The following ZNF805 variants were observed in gnomAD, a reference collection of about 807,000 sequenced individuals.
ZNF805 encodes the protein CTC-444N24.8.
A neutral mutation model predicts 13.6 loss-of-function variants in ZNF805; 7 were observed. The observed-to-expected ratio is 0.51, with a 90% CI of 0.29 to 0.97. ZNF805 has a LOEUF of 0.97. Ranked by LOEUF, ZNF805 falls within the 50% of genes least tolerant of loss-of-function variation. The pLI is 0.08. For synonymous variants in ZNF805, 293 were observed against 279.8 expected, an observed-to-expected ratio of 1.05 and a Z score of -0.47; for missense variants, 604 against 771.0, an observed-to-expected ratio of 0.78 and a Z score of 2.57.
At chr19:57,241,040 C>T (rs2087576672) in intron 1 of ZNF805, 119 bp downstream of exon 1, 1 of 1,141,132 alleles carries the variant, frequency 8.8e-7, no homozygotes, top group Non-Finnish European at 1.3e-6. Flanking sequence ...GTTTACGAAA[C>T]GTGGAGCAGG....
In ZNF805 at chr19:57,257,008, A is replaced by G. The variant is rs1419188410; in HGVS notation, c.*2305A>G. Among the ~76,000 whole-genome samples the G allele has an allele frequency of 6.6e-6, 1 of 152,110 alleles. No homozygotes were observed. The highest frequency in any genetic ancestry group is 1.5e-5 in the Non-Finnish European group (1 of 67,998). On this transcript the variant is annotated 3_prime_UTR_variant, in exon 4 of 4. Transcript: ENST00000414468. ...GCTTTTGATTATCTTACTCAGTTCT[A>G]AGATTGCCTGATTCCTTTTGAGACA...
rs2087722080 is a variant in ZNF805 at position 57,261,270 on chromosome 19, T to C, written c.*6567T>C. The C allele has an allele frequency of 6.0e-6, 1 of 167,034 alleles. No homozygotes were observed. The highest frequency in any genetic ancestry group is 2.4e-5 in the African/African-American group (1 of 41,420). 10.3% of individuals were successfully genotyped at this position (167,034 alleles called of 1,614,324 possible). A position where few individuals can be genotyped will look rare whatever the true frequency, so the allele number is the denominator to read the frequency against. On this transcript the variant is annotated 3_prime_UTR_variant, in exon 4 of 4. Transcript: ENST00000414468. Reference sequence around the variant, plus strand: ...CCAGACTCACTCTTTAATGCCTGCATAAGCTATTGTGACTGTAGAAAAGAC... The same window carrying C: ...CCAGACTCACTCTTTAATGCCTGCACAAGCTATTGTGACTGTAGAAAAGAC...
In ZNF805 at chr19:57,260,671, G is replaced by C. The variant is rs768865101; in HGVS notation, c.*5968G>C. Among the ~76,000 whole-genome samples the C allele has an allele frequency of 3.3e-5, 5 of 152,172 alleles. No homozygotes were observed. Among genetic ancestry groups the C allele is most frequent in the African/African-American group, 4.8e-5 (2 of 41,438 alleles). On this transcript the variant is annotated 3_prime_UTR_variant, in exon 4 of 4. Coordinates refer to ENST00000414468, the MANE Select transcript of ZNF805 (RefSeq NM_001023563.4). ...CTAACTTGTCCTTCACCCCATGACT[G>C]AGTTAATTTGCGCTGAAGACACTTT... is the stretch of plus-strand genomic sequence containing the variant.
chr19:57,248,064 C>T (rs1301740196), intron 2 of ZNF805, among the ~76,000 whole-genome samples: 1 of 152,192 alleles, frequency 6.6e-6, no homozygotes, highest in Non-Finnish European at 1.5e-5. Context: ...AAAAAATTAG[C>T]CAGGCATGAT....
At chr19:57,245,727 T>A (rs574266440) in intron 2 of ZNF805, among the ~76,000 whole-genome samples, 5 of 150,248 alleles carry the variant, frequency 3.3e-5, no homozygotes, top group East Asian at 4.0e-4. Flanking sequence ...TGCAGTGAGC[T>A]GAGATTGCAC....
chr19:57,244,657 TA>T (rs1319610456), intron 2 of ZNF805, among the ~76,000 whole-genome samples: 7 of 152,170 alleles, frequency 4.6e-5, no homozygotes, highest in African/African-American at 1.7e-4. Flanking sequence ...AGCTGTATGT[TA>T]TGAGGGGTTG....
At chr19:57,246,811 C>CCAGA (rs1235847110) in intron 2 of ZNF805, among the ~76,000 whole-genome samples, 1 of 151,926 alleles carries the variant, frequency 6.6e-6, no homozygotes, top group Non-Finnish European at 1.5e-5. Context: ...AGTTAACAGT[C>CCAGA]CAGATCCCCA....
chr19:57,254,241 C>G lies in ZNF805; in HGVS notation c.1422C>G (p.Phe474Leu), dbSNP rs1355048523. 2 of 1,606,750 alleles carry G rather than the reference C, an allele frequency of 1.2e-6. No individual in the cohort carries two copies. Among genetic ancestry groups the G allele is most frequent in the African/African-American group, 2.8e-5 (2 of 72,232 alleles). ...FSNRADLIRH[F>L]SIHTGEKPYE... ...ATAGGGCAGACCTCATTCGCCACTT[C>G]AGCATCCACACTGGAGAGAAGCCCT... is the stretch of plus-strand genomic sequence containing the variant. Residue 474 changes from phenylalanine to leucine, a missense_variant, in exon 4 of 4, where the codon TTC becomes TTG. This residue lies in a region of ZNF805 where 228 missense variants were observed against 352.8 expected (regional missense o/e 0.65). Transcript: ENST00000414468.
rs1460099656 is a variant in ZNF805, at chr19:57,259,477, A to G, written c.*4774A>G. On this transcript the variant is annotated 3_prime_UTR_variant, in exon 4 of 4. Transcript: ENST00000414468. ...TTTCGTTTTGGTTTTTGTATTTTTCAGTTGTTTAATTTCCATTTGTTTTGT... is the reference window on the plus strand; with the variant it reads ...TTTCGTTTTGGTTTTTGTATTTTTCGGTTGTTTAATTTCCATTTGTTTTGT... 6.7e-6 allele frequency among the ~76,000 whole-genome samples: 1 copy of G among 149,656 alleles called. No individual in the cohort carries two copies. Among genetic ancestry groups the G allele is most frequent in the Non-Finnish European group, 1.5e-5 (1 of 67,356 alleles).
chr19:57,254,787 C>T lies in ZNF805; in HGVS notation c.*84C>T, dbSNP rs148728074. On this transcript the variant is annotated 3_prime_UTR_variant, in exon 4 of 4. Coordinates refer to ENST00000414468, the MANE Select transcript of ZNF805 (RefSeq NM_001023563.4). ...GCAGCTTAGAGCCTTATTCTCCATC[C>T]GAATTCATCCTGGAAAAACACCCAG... 2,714 of 1,386,730 alleles carry T rather than the reference C, an allele frequency of 2.0e-3. 4 individuals carry two copies. The highest frequency in any genetic ancestry group is 4.5e-3 in the Middle Eastern group (24 of 5,392). The allele number at this position is 1,386,730 out of a possible 1,614,324, so 85.9% of individuals were successfully genotyped here.
intron 3 of ZNF805, among the ~76,000 whole-genome samples, chr19:57,251,427 G>A (rs1464585157): frequency 6.6e-6 from 1 of 152,096 alleles, no homozygotes; most frequent in Non-Finnish European, 1.5e-5. Flanking sequence ...TTTCTTCTGT[G>A]AGATGTTATT....
intron 2 of ZNF805, among the ~76,000 whole-genome samples, chr19:57,245,959 C>T (rs1016394188): frequency 6.6e-6 from 1 of 152,164 alleles, no homozygotes; most frequent in Non-Finnish European, 1.5e-5. Context: ...TCAGAGAGTG[C>T]TTGGACAGAC....
Position 57,253,345 on chromosome 19 carries a change from G to C in ZNF805, c.526G>C (p.Val176Leu). Residue 176 changes from valine (V) to leucine (L), a missense_variant, in exon 4 of 4, where the codon GTC becomes CTC. Around this residue, in one of 3 missense-constraint regions of ZNF805, gnomAD observed 327 missense variants for 378.2 expected, o/e 0.86. Coordinates refer to ENST00000414468, the MANE Select transcript of ZNF805 (RefSeq NM_001023563.4). This position sits in a 1 kb window ranked among gnomAD's most constrained non-coding sequence, Gnocchi z 4.4. ...SVCSRIIQDR[V>L]SLGDDVHDCD... The stretch of plus-strand genomic sequence containing the variant: ...GTGTTCAAGGATTATACAGGATCGA[G>C]TCTCCTTAGGAGATGATGTCCATGA... 1 of 1,570,476 alleles carries C rather than the reference G, an allele frequency of 6.4e-7. No homozygotes were observed. Among genetic ancestry groups the C allele is most frequent in the Non-Finnish European group, 8.6e-7 (1 of 1,157,018 alleles).
intron 2 of ZNF805, among the ~76,000 whole-genome samples, chr19:57,245,823 T>C (rs925088101): frequency 5.3e-5 from 8 of 150,788 alleles, no homozygotes; most frequent in Middle Eastern, 3.5e-3. Flanking sequence ...AGCTAGTGGG[T>C]GGAGATGCTG....
In ZNF805 at chr19:57,248,662, G is replaced by T. The variant is rs1472159101; in HGVS notation, c.215G>T (p.Trp72Leu). ...IYHLEHGQEP[W>L]TRKEDLSQGT... ...CACCTAGAGCATGGGCAGGAGCCATGGACCAGGAAGGAAGACCTCTCCCAA... is the reference window on the plus strand; with the variant it reads ...CACCTAGAGCATGGGCAGGAGCCATTGACCAGGAAGGAAGACCTCTCCCAA... Residue 72 changes from tryptophan (W) to leucine (L), a missense_variant, in exon 3 of 4, where the codon TGG becomes TTG. Physicochemically the swap from Trp to Leu is moderately conservative, Grantham distance 61. Around this residue, in one of 3 missense-constraint regions of ZNF805, gnomAD observed 327 missense variants for 378.2 expected, o/e 0.86. Transcript: ENST00000414468. 2.5e-6 allele frequency: 4 copies of T among 1,598,982 alleles called. No homozygotes were observed. Among genetic ancestry groups the T allele is most frequent in the Non-Finnish European group, 2.6e-6 (3 of 1,172,234 alleles).
intron 1 of ZNF805, among the ~76,000 whole-genome samples, chr19:57,241,512 C>T (rs74612360): frequency 0.12 from 18,968 of 151,792 alleles, 1,284 homozygotes; most frequent in Middle Eastern, 0.16. Flanking sequence ...GATGAAGTTC[C>T]ACTCCAGGGA....
chr19:57,244,140 C>G, intron 2 of ZNF805, 91 bp downstream of exon 2: 2 of 1,481,972 alleles, frequency 1.3e-6, no homozygotes, highest in Non-Finnish European at 1.8e-6. Context: ...GAAGTCCTCT[C>G]TTACTGGCCT....
chr19:57,245,526 T>G (rs888205605), intron 2 of ZNF805, among the ~76,000 whole-genome samples: 1 of 152,004 alleles, frequency 6.6e-6, no homozygotes, highest in South Asian at 2.1e-4. Flanking sequence ...ATGCCTGTAA[T>G]CCCAGCACTT....
chr19:57,244,905 C>T (rs1445194157), intron 2 of ZNF805, among the ~76,000 whole-genome samples: 1 of 152,054 alleles, frequency 6.6e-6, no homozygotes, highest in African/African-American at 2.4e-5. Context: ...TCATACTTGC[C>T]TCCATCTCTC....
Sources: gnomAD v4.1 joint callset for allele counts (sites outside exome capture counted in the v4.1 genomes callset) on GRCh38, gnomAD v4.1.1 for gene constraint, gnomAD v4.1.1 regional missense constraint, Gnocchi (gnomAD v3.1) non-coding constraint, MANE v1.5 for transcripts, NCBI Gene and HGNC (gene_info 2026-07-23, HGNC 2026-07-21) for gene names.